The following PCDHA1 variants were observed in gnomAD, a reference collection of about 807,000 sequenced individuals.
PCDHA1 encodes the protein protocadherin alpha-1.
In PCDHA1, 42 loss-of-function variants were observed where a neutral mutation model predicts 61.3. The ratio of observed to expected loss-of-function variants is 0.69; its 90% CI spans 0.54 to 0.89. The LOEUF (loss-of-function observed/expected upper bound fraction) is 0.89. Ranked by LOEUF, PCDHA1 falls within the 40% of genes least tolerant of loss-of-function variation. The pLI is 0.00. For synonymous variants in PCDHA1, 610 were observed against 553.8 expected, an observed-to-expected ratio of 1.10 and a Z score of -1.43; for missense variants, 1,256 against 1,235.3, an observed-to-expected ratio of 1.02 and a Z score of -0.25.
chr5:140,933,423 A>G (rs2089141997), intron 1 of PCDHA1, among the ~76,000 whole-genome samples: 1 of 152,144 alleles, frequency 6.6e-6, no homozygotes, highest in Non-Finnish European at 1.5e-5. Flanking sequence ...TTCTGTGTTC[A>G]TAGGGGCACT....
At chr5:140,851,304 C>A in intron 1 of PCDHA1, 2 of 1,006,386 alleles carry the variant, frequency 2.0e-6, no homozygotes, top group Non-Finnish European at 2.4e-6. Flanking sequence ...AAATATATAG[C>A]AATTGTTACC....
At chr5:140,939,629 A>G (rs1250529725) in intron 1 of PCDHA1, among the ~76,000 whole-genome samples, 5 of 152,248 alleles carry the variant, frequency 3.3e-5, no homozygotes, top group African/African-American at 1.2e-4. Context: ...AAGAAAATCA[A>G]TAAGGGTACT....
intron 1 of PCDHA1, chr5:140,850,087 T>A (rs2150466351): frequency 6.3e-7 from 1 of 1,596,398 alleles, no homozygotes; most frequent in East Asian, 2.2e-5. Context: ...CTGGAGCTGC[T>A]ACAGTTCCAG....
At chr5:140,963,091 T>C (rs1250580965) in intron 1 of PCDHA1, among the ~76,000 whole-genome samples, 1 of 152,162 alleles carries the variant, frequency 6.6e-6, no homozygotes, top group African/African-American at 2.4e-5. Flanking sequence ...AAGACATGGC[T>C]CCTGCTTTCA....
chr5:140,868,942 C>T (rs1238492263), intron 1 of PCDHA1: 6 of 1,256,058 alleles, frequency 4.8e-6, no homozygotes, highest in African/African-American at 1.5e-5. Context: ...TTGGTCTGAA[C>T]AGTGAGGCAC....
chr5:140,933,586 T>A (rs1474110331), intron 1 of PCDHA1, among the ~76,000 whole-genome samples: 1 of 152,108 alleles, frequency 6.6e-6, no homozygotes, highest in Non-Finnish European at 1.5e-5. Flanking sequence ...AGTGGGTTTT[T>A]AGGTTGATTT....
intron 1 of PCDHA1, chr5:140,878,023 T>C (rs1162658024): frequency 2.6e-6 from 2 of 762,594 alleles, no homozygotes; most frequent in Non-Finnish European, 3.8e-6. Context: ...GAAGGAAATA[T>C]GTAGGTACAA....
chr5:140,902,894 A>G (rs1370660183), intron 1 of PCDHA1, among the ~76,000 whole-genome samples: 1 of 152,170 alleles, frequency 6.6e-6, no homozygotes, highest in Non-Finnish European at 1.5e-5. Flanking sequence ...CTATTATTTT[A>G]TTTAGTTTAT....
chr5:140,999,015 C>G (rs2097843117), intron 3 of PCDHA1, among the ~76,000 whole-genome samples: 1 of 152,280 alleles, frequency 6.6e-6, no homozygotes, highest in East Asian at 1.9e-4. Context: ...GATTTGAACC[C>G]AAGACTTTTG....
At chr5:140,903,609 A>G (rs565435427) in intron 1 of PCDHA1, among the ~76,000 whole-genome samples, 2 of 152,360 alleles carry the variant, frequency 1.3e-5, no homozygotes, top group Admixed American at 6.5e-5. Flanking sequence ...CTTAATACAC[A>G]TGAATGTGCA....
At chr5:140,892,265 T>A (rs1285445395) in intron 1 of PCDHA1, among the ~76,000 whole-genome samples, 3 of 152,240 alleles carry the variant, frequency 2.0e-5, no homozygotes, top group African/African-American at 7.2e-5. Context: ...GATTTTGTGC[T>A]GAAAGTTGTA....
chr5:140,801,068 A>C (rs1762635569), intron 1 of PCDHA1: 3 of 1,464,114 alleles, frequency 2.0e-6, no homozygotes, highest in Non-Finnish European at 2.7e-6. Context: ...TTACGTATTC[A>C]GATACTGCTT....
intron 1 of PCDHA1, chr5:140,966,708 C>T (rs1033433543): frequency 1.7e-5 from 23 of 1,384,632 alleles, no homozygotes; most frequent in African/African-American, 6.1e-5. Context: ...GCGTGGGGCA[C>T]GGCTGGGGAA....
At chr5:140,828,810 C>A (rs1221308735) in intron 1 of PCDHA1, 7 of 1,614,140 alleles carry the variant, frequency 4.3e-6, no homozygotes, top group African/African-American at 1.3e-5. Context: ...GATAATGCTC[C>A]CACTTTCGAA....
intron 3 of PCDHA1, among the ~76,000 whole-genome samples, chr5:141,004,805 A>G (rs1588069791): frequency 6.6e-6 from 1 of 152,310 alleles, no homozygotes; most frequent in African/African-American, 2.4e-5. Flanking sequence ...GCTGAGCTCA[A>G]TTGCAGATTT....
intron 1 of PCDHA1, chr5:140,869,562 A>G (rs373044645): frequency 8.1e-6 from 13 of 1,614,050 alleles, no homozygotes; most frequent in South Asian, 2.2e-5. Context: ...CGCGTTTTCC[A>G]CTAGAGGGAG....
rs2150360936 is a variant in PCDHA1 at position 140,843,478 on chromosome 5, T to A, written c.2394+54794T>A. On this transcript the variant is annotated intron_variant, in intron 1 of 3. Coordinates refer to ENST00000504120, the MANE Select transcript of PCDHA1 (RefSeq NM_018900.4). ...TGGTGCTCACGCTGCTGCTGTACAC[T>A]GCGCTGCGGTGCTCAGCACTGCCCA... 2.1e-5 allele frequency: 33 copies of A among 1,595,746 alleles called. 1 individual carries two copies. Among genetic ancestry groups the A allele is most frequent in the Non-Finnish European group, 2.8e-5 (33 of 1,165,552 alleles).
chr5:140,838,406 G>T (rs1775717074), intron 1 of PCDHA1, among the ~76,000 whole-genome samples: 1 of 151,394 alleles, frequency 6.6e-6, no homozygotes, highest in Admixed American at 6.6e-5. Flanking sequence ...TTACAGGAGT[G>T]AGCCACCGCA....
intron 1 of PCDHA1, among the ~76,000 whole-genome samples, chr5:140,921,337 C>T (rs1339756681): frequency 6.6e-6 from 1 of 152,082 alleles, no homozygotes; most frequent in Non-Finnish European, 1.5e-5. Flanking sequence ...GGTCCAATCA[C>T]ATAATATATT....
Sources: gnomAD v4.1 joint callset for allele counts (sites outside exome capture counted in the v4.1 genomes callset) on GRCh38, gnomAD v4.1.1 for gene constraint, MANE v1.5 for transcripts, NCBI Gene and HGNC (gene_info 2026-07-23, HGNC 2026-07-21) for gene names.